The following RNF24 variants were observed in gnomAD, a reference collection of about 807,000 sequenced individuals.
The protein encoded by RNF24 is ring finger protein 24.
RNF24 carries 14 observed loss-of-function variants against 20.0 expected under a neutral mutation model. That is an observed-to-expected ratio of 0.70 (90% CI 0.46 to 1.10). The LOEUF is 1.10. RNF24 is among the 50% of genes least tolerant of loss of function. The pLI is 0.00. For synonymous variants in RNF24, 45 were observed against 61.1 expected (o/e 0.74, Z 1.23); for missense variants, 124 against 177.6 (o/e 0.70, Z 1.71).
chr20:3,981,752 A>G (rs1979403312), intron 1 of RNF24, among the ~76,000 whole-genome samples: 1 of 152,162 alleles, frequency 6.6e-6, no homozygotes. Flanking sequence ...AATATTTTCA[A>G]CACTACTCTT....
chr20:3,979,984 AC>A lies in RNF24; in HGVS notation c.-7-15961del, dbSNP rs1328329000. Among the ~76,000 whole-genome samples the A allele has an allele frequency of 2.6e-5, 4 of 152,366 alleles. No homozygotes were observed. In the East Asian group the frequency reaches 5.8e-4, roughly 22 times the overall value. On this transcript the variant is annotated intron_variant, in intron 1 of 5. Coordinates refer to ENST00000358395, the MANE Select transcript of RNF24 (RefSeq NM_001134337.3). ...AGAAGAAGGAATTAATAAAGGTCAA[AC>A]AAAAATGTATGAATTAAAACAAAAC...
chr20:3,975,227 A>G (rs894180409), intron 1 of RNF24, among the ~76,000 whole-genome samples: 1 of 152,200 alleles, frequency 6.6e-6, no homozygotes, highest in South Asian at 2.1e-4. Flanking sequence ...TTGAATCTTG[A>G]TCTTAACCTC....
At chr20:3,974,272 A>G (rs1978660706) in intron 1 of RNF24, 1 of 1,522,762 alleles carries the variant, frequency 6.6e-7, no homozygotes, top group East Asian at 2.5e-5. Context: ...CCAACCAAAC[A>G]ATAACAACAA....
At chr20:3,973,080 G>A (rs1373483608) in intron 1 of RNF24, among the ~76,000 whole-genome samples, 1 of 152,030 alleles carries the variant, frequency 6.6e-6, no homozygotes, top group Non-Finnish European at 1.5e-5. Flanking sequence ...GCAGGTGCCT[G>A]TAATCCCAGC....
chr20:3,940,447 A>C (rs938500263), intron 4 of RNF24, among the ~76,000 whole-genome samples: 8 of 151,180 alleles, frequency 5.3e-5, no homozygotes, highest in Non-Finnish European at 8.8e-5. Flanking sequence ...GGACTTGTGG[A>C]ACAACAACAA....
At chr20:3,942,695 G>A (rs1177497648) in intron 4 of RNF24, among the ~76,000 whole-genome samples, 1 of 152,026 alleles carries the variant, frequency 6.6e-6, no homozygotes, top group Admixed American at 6.6e-5. Flanking sequence ...GGATGGTCTC[G>A]ATCTCCTGAC....
intron 1 of RNF24, among the ~76,000 whole-genome samples, chr20:3,985,379 A>G (rs1053613805): frequency 1.3e-5 from 2 of 152,130 alleles, no homozygotes; most frequent in Non-Finnish European, 2.9e-5. Flanking sequence ...GTGTGGCACC[A>G]TGCCTCACAT....
chr20:3,943,354 A>G (rs959039424), intron 4 of RNF24, among the ~76,000 whole-genome samples: 1 of 151,218 alleles, frequency 6.6e-6, no homozygotes, highest in Non-Finnish European at 1.5e-5. Context: ...ATTTACATGG[A>G]AGGGTCAAGG....
Position 4,002,299 on chromosome 20 carries a change from T to C in RNF24, c.-8+13138A>G, listed in dbSNP as rs527557253. On this transcript the variant is annotated intron_variant, in intron 1 of 5. Transcript: ENST00000358395. ...TACTCTGGAGGCTGAGGCAGGAGAATGGCGTGAACCCAGGAGGCGGAGCTT... is the reference window on the plus strand; with the variant it reads ...TACTCTGGAGGCTGAGGCAGGAGAACGGCGTGAACCCAGGAGGCGGAGCTT... 1.7e-4 allele frequency among the ~76,000 whole-genome samples: 26 copies of C among 152,110 alleles called. No individual in the cohort carries two copies. In the South Asian group the frequency reaches 5.2e-3, roughly 30 times the overall value.
At chr20:3,965,309 A>T (rs942982916) in intron 1 of RNF24, among the ~76,000 whole-genome samples, 5 of 152,190 alleles carry the variant, frequency 3.3e-5, no homozygotes, top group African/African-American at 1.2e-4. Flanking sequence ...GTTTTCTTGT[A>T]GGTTCCCAGA....
chr20:4,012,562 C>G (rs1982548586), intron 1 of RNF24, among the ~76,000 whole-genome samples: 1 of 152,150 alleles, frequency 6.6e-6, no homozygotes, highest in South Asian at 2.1e-4. Flanking sequence ...CATCTATGCT[C>G]TTACCATCAC....
intron 1 of RNF24, among the ~76,000 whole-genome samples, chr20:3,992,671 TC>T (rs112758967): frequency 0.014 from 2,136 of 152,308 alleles, 43 homozygotes; most frequent in African/African-American, 0.049. Context: ...ATTGTATCTC[TC>T]TAGGGTCTCC....
At chr20:3,953,188 T>C (rs533511993) in intron 2 of RNF24, among the ~76,000 whole-genome samples, 2 of 152,304 alleles carry the variant, frequency 1.3e-5, no homozygotes, top group East Asian at 3.9e-4. Flanking sequence ...AGTCTCACTC[T>C]GTCACCCAGC....
intron 4 of RNF24, among the ~76,000 whole-genome samples, chr20:3,941,302 G>A (rs1201042256): frequency 2.0e-5 from 3 of 152,044 alleles, no homozygotes; most frequent in African/African-American, 7.2e-5. Flanking sequence ...TGTCTGATGG[G>A]GAAAAGACAT....
intron 1 of RNF24, among the ~76,000 whole-genome samples, chr20:3,970,000 A>T (rs956328840): frequency 1.6e-4 from 25 of 152,084 alleles, no homozygotes; most frequent in African/African-American, 6.0e-4. Context: ...TTTACACAAC[A>T]TGGTGAAAAT....
chr20:3,940,154 C>T (rs2090938362), intron 4 of RNF24, among the ~76,000 whole-genome samples: 1 of 151,986 alleles, frequency 6.6e-6, no homozygotes, highest in Non-Finnish European at 1.5e-5. Context: ...GACGGGGTTT[C>T]TCTATGTTGC....
rs2090850003 is a variant in RNF24, at chr20:3,933,451, T to G, written c.*612A>C. ...TTCTGACTAGGCCTTTCCAAGCGCA[T>G]CTCATGTTTTCAGCTTAGATGATTT... is the stretch of plus-strand genomic sequence containing the variant. On this transcript the variant is annotated 3_prime_UTR_variant, in exon 6 of 6. Coordinates refer to ENST00000358395, the MANE Select transcript of RNF24 (RefSeq NM_001134337.3). The G allele has an allele frequency of 2.9e-6, 1 of 342,040 alleles. No individual in the cohort carries two copies. Among genetic ancestry groups the G allele is most frequent in the African/African-American group, 2.1e-5 (1 of 47,534 alleles). The allele number at this position is 342,040 out of a possible 1,614,324, so 21.2% of individuals were successfully genotyped here.
Position 4,003,632 on chromosome 20 carries a change from CCTTTTTTT to C in RNF24, c.-8+11797_-8+11804del, listed in dbSNP as rs1204392013. 8.5e-3 allele frequency among the ~76,000 whole-genome samples: 665 copies of C among 78,040 alleles called. 8 individuals are homozygous for C. Among genetic ancestry groups the C allele is most frequent in the African/African-American group, 0.026 (616 of 23,728 alleles). The allele number at this position is 78,040 out of a possible 152,430, so 51.2% of individuals were successfully genotyped here. On this transcript the variant is annotated intron_variant, in intron 1 of 5. Coordinates refer to ENST00000358395, the MANE Select transcript of RNF24 (RefSeq NM_001134337.3). ...GTTTTGAAGGCCCATGTTAGAAACT[CCTTTTTTT>C]TTTTTTTTTTTTTTTTTTTTGAGAC...
chr20:4,003,855 G>A (rs915321597), intron 1 of RNF24, among the ~76,000 whole-genome samples: 6 of 151,896 alleles, frequency 4.0e-5, no homozygotes, highest in African/African-American at 1.2e-4. Flanking sequence ...TGTTGGACAG[G>A]CTGGTCTCAA....
Sources: allele counts gnomAD v4.1 joint callset (sites outside exome capture counted in the v4.1 genomes callset), GRCh38; gene constraint gnomAD v4.1.1; transcripts MANE v1.5; gene names NCBI Gene and HGNC (gene_info 2026-07-23, HGNC 2026-07-21).